The following LRCH2 variants were observed in gnomAD, a reference collection of about 807,000 sequenced individuals.
LRCH2 encodes leucine rich repeats and calponin homology domain containing 2, also known as leucine-rich repeat and calponin homology domain-containing protein 2.
Under a neutral mutation model 68.9 loss-of-function variants are expected in LRCH2, and 38 were observed. The ratio of observed to expected loss-of-function variants is 0.55; its 90% CI spans 0.43 to 0.72. The LOEUF is 0.72. LRCH2 is among the 30% of genes least tolerant of loss of function. The probability of loss-of-function intolerance (pLI) is 0.00; values close to 1 mark genes in which losing one functional copy is unlikely to be tolerated. For missense variants in LRCH2, 528 were observed against 572.9 expected, an observed-to-expected ratio of 0.92 and a Z score of 0.80; for synonymous variants, 191 against 208.1, an observed-to-expected ratio of 0.92 and a Z score of 0.71.
intron 1 of LRCH2, chrX:115,192,725 C>A: frequency 1.0e-6 from 1 of 970,067 alleles, no homozygotes; most frequent in South Asian, 2.2e-5. Flanking sequence ...TACCCAAGGA[C>A]TAGTATAAGT....
chrX:115,146,709 A>C (rs1556536316), intron 14 of LRCH2, among the ~76,000 whole-genome samples: 1 of 110,198 alleles, frequency 9.1e-6, no homozygotes, highest in African/African-American at 3.3e-5. Flanking sequence ...CGGCCTGGGA[A>C]TCTAAAAGAG....
At chrX:115,133,128 T>A (rs1556530821) in intron 14 of LRCH2, among the ~76,000 whole-genome samples, 1 of 112,004 alleles carries the variant, frequency 8.9e-6, no homozygotes, top group African/African-American at 3.2e-5. Context: ...GAAAACGAAC[T>A]GTACATTGCA....
chrX:115,197,335 T>C (rs1343435876), intron 1 of LRCH2, among the ~76,000 whole-genome samples: 1 of 111,160 alleles, frequency 9.0e-6, no homozygotes, highest in Non-Finnish European at 1.9e-5. Flanking sequence ...GATAAAGAAT[T>C]CAAAACATTG....
chrX:115,157,861 C>T (rs2072487939), intron 11 of LRCH2, among the ~76,000 whole-genome samples: 1 of 109,826 alleles, frequency 9.1e-6, no homozygotes, highest in African/African-American at 3.3e-5. Context: ...ATAGTAAATT[C>T]TAACTCCTTC....
intron 1 of LRCH2, among the ~76,000 whole-genome samples, chrX:115,195,306 G>A (rs1247626321): frequency 1.8e-5 from 2 of 108,560 alleles, no homozygotes; most frequent in African/African-American, 6.7e-5. Context: ...ATTGAAAGTT[G>A]TAGGAATATG....
rs41304492 is a variant in LRCH2 at position 115,113,143 on chromosome X, A to C, written c.*73T>G. 7,002 of 969,414 alleles carry C rather than the reference A, an allele frequency of 7.2e-3. 34 individuals are homozygous for C. Among genetic ancestry groups the C allele is most frequent in the Non-Finnish European group, 8.7e-3 (6,361 of 728,585 alleles). The allele number at this position is 969,414 out of a possible 1,213,427, so 79.9% of individuals were successfully genotyped here. A position where few individuals can be genotyped will look rare whatever the true frequency, so the allele number is the denominator to read the frequency against. On this transcript the variant is annotated 3_prime_UTR_variant, in exon 21 of 21. Coordinates refer to ENST00000317135, the MANE Select transcript of LRCH2 (RefSeq NM_020871.4). The stretch of plus-strand genomic sequence containing the variant: ...AAACTATTTTTGACGGAATATTCTT[A>C]TTCATGAATTTGAAATATTTGAAAT...
chrX:115,147,480 C>T lies in LRCH2; in HGVS notation c.1695+2347G>A, dbSNP rs1391354577. ...ACATTTCCCAGTGACTGAAGCTTAT[C>T]TTTGCACCTAATTTATTAAGGAAAA... is the stretch of plus-strand genomic sequence containing the variant. On this transcript the variant is annotated intron_variant, in intron 14 of 20. Coordinates refer to ENST00000317135, the MANE Select transcript of LRCH2 (RefSeq NM_020871.4). 4.5e-5 allele frequency among the ~76,000 whole-genome samples: 5 copies of T among 111,420 alleles called. No individual in the cohort carries two copies. The Admixed American group carries it at 4.8e-4, about 11-fold the overall frequency.
At chrX:115,198,662 G>A (rs1379258114) in intron 1 of LRCH2, 2 of 154,636 alleles carry the variant, frequency 1.3e-5, no homozygotes, top group Non-Finnish European at 2.8e-5. Flanking sequence ...AGAAAAGGGT[G>A]GGGACACACA....
chrX:115,174,818 C>T (rs1556549502), intron 5 of LRCH2, among the ~76,000 whole-genome samples: 1 of 111,602 alleles, frequency 9.0e-6, no homozygotes, highest in African/African-American at 3.3e-5. Context: ...TCCTAAAACT[C>T]TTACACGATC....
chrX:115,184,675 G>T (rs2072718841), intron 2 of LRCH2, 138 bp from the exon 3 acceptor site: 3 of 496,807 alleles, frequency 6.0e-6, no homozygotes, highest in East Asian at 4.4e-5. Context: ...TGCTCACTTT[G>T]TATCAGGCAC....
chrX:115,143,021 C>T (rs2072352906), intron 14 of LRCH2, among the ~76,000 whole-genome samples: 1 of 110,718 alleles, frequency 9.0e-6, no homozygotes, highest in Non-Finnish European at 1.9e-5. Context: ...TGGCTTGACC[C>T]TGGGAGGTCA....
chrX:115,197,804 G>T (rs1208041124), intron 1 of LRCH2, among the ~76,000 whole-genome samples: 1 of 64,166 alleles, frequency 1.6e-5, no homozygotes, highest in Non-Finnish European at 2.8e-5. Context: ...ACTCCAGCCT[G>T]GGCAACAGAA....
intron 6 of LRCH2, among the ~76,000 whole-genome samples, chrX:115,168,950 G>A (rs1221311286): frequency 6.3e-5 from 7 of 111,285 alleles, no homozygotes; most frequent in Non-Finnish European, 9.4e-5. Flanking sequence ...AAATCAACAT[G>A]TACCACGTTT....
In LRCH2 at chrX:115,179,432, C is replaced by T. The variant is rs1556551776; in HGVS notation, c.859G>A (p.Ala287Thr). Residue 287 changes from alanine to threonine, a missense_variant, in exon 5 of 21, where the codon GCA (alanine) becomes ACA (threonine). Coordinates refer to ENST00000317135, the MANE Select transcript of LRCH2 (RefSeq NM_020871.4). ...LDNNPLQVPP[A>T]QICLKGKVHI... ...ATAATATTTTTATTACAAACCTGTG[C>T]TGGTGGTACTTGCAATGGATTGTTA... The T allele has an allele frequency of 8.9e-7, 1 of 1,118,220 alleles. No individual in the cohort carries two copies. Among genetic ancestry groups the T allele is most frequent in the Non-Finnish European group, 1.2e-6 (1 of 848,877 alleles). The allele number at this position is 1,118,220 out of a possible 1,213,427, so 92.2% of individuals were successfully genotyped here.
intron 1 of LRCH2, among the ~76,000 whole-genome samples, chrX:115,205,550 T>G (rs781992149): frequency 3.9e-4 from 44 of 112,210 alleles, no homozygotes; most frequent in Non-Finnish European, 9.4e-5. Flanking sequence ...ATGCTAAAAA[T>G]AGGAAAACTA....
intron 12 of LRCH2, among the ~76,000 whole-genome samples, chrX:115,152,170 C>T (rs781948295): frequency 9.0e-6 from 1 of 111,621 alleles, no homozygotes; most frequent in Non-Finnish European, 1.9e-5. Context: ...ACAGGACATC[C>T]AGTAGAGAAA....
Position 115,233,846 on chromosome X carries a change from A to T in LRCH2, c.196T>A (p.Trp66Arg), listed in dbSNP as rs1288677888. ...FGQPFPNGPP[W>R]NPGSLQPQHT... ...TGAGGCTGCAGGCTCCCCGGGTTCC[A>T]CGGCGGCCCGTTGGGGAACGGCTGA... Residue 66 changes from tryptophan (W) to arginine (R), a missense_variant, in exon 1 of 21, where the codon TGG becomes AGG. Transcript: ENST00000317135. 8.6e-7 allele frequency: 1 copy of T among 1,164,617 alleles called. No individual in the cohort carries two copies. The highest frequency in any genetic ancestry group is 1.1e-6 in the Non-Finnish European group (1 of 872,424).
chrX:115,233,591 G>A, intron 1 of LRCH2, 102 bp downstream of exon 1: 2 of 871,239 alleles, frequency 2.3e-6, no homozygotes, highest in East Asian at 3.5e-5. Flanking sequence ...CGGTCCCCGC[G>A]CACCCGCCCA....
At chrX:115,117,505 C>T (rs182031678) in intron 20 of LRCH2, among the ~76,000 whole-genome samples, 281 of 111,526 alleles carry the variant, frequency 2.5e-3, no homozygotes, top group African/African-American at 8.4e-3. Context: ...TTCATAGCAG[C>T]TTTATTTGTA....
Sources: allele counts gnomAD v4.1 joint callset (sites outside exome capture counted in the v4.1 genomes callset), GRCh38; gene constraint gnomAD v4.1.1; transcripts MANE v1.5; gene names NCBI Gene and HGNC (gene_info 2026-07-23, HGNC 2026-07-21).